Variants in UBE4B observed in about 807,000 individuals in gnomAD.
UBE4B encodes ubiquitin conjugation factor E4 B.
In UBE4B, 27 loss-of-function variants were observed where a neutral mutation model predicts 148.1. That is an observed-to-expected ratio of 0.18 (90% CI 0.13 to 0.25). The LOEUF is 0.25. UBE4B is among the 10% of genes least tolerant of loss of function. UBE4B has a pLI of 1.00. For missense variants in UBE4B, 1,170 were observed against 1,662.4 expected, an observed-to-expected ratio of 0.70 and a Z score of 5.15; for synonymous variants, 596 against 619.3, an observed-to-expected ratio of 0.96 and a Z score of 0.56.
At chr1:10,056,762 C>T (rs938034183) in intron 1 of UBE4B, among the ~76,000 whole-genome samples, 1 of 152,146 alleles carries the variant, frequency 6.6e-6, no homozygotes, top group African/African-American at 2.4e-5. Context: ...AAGATGGGGC[C>T]TGGGGTAGCA....
chr1:10,132,063 C>A (rs1430987459), intron 14 of UBE4B, among the ~76,000 whole-genome samples: 1 of 151,828 alleles, frequency 6.6e-6, no homozygotes, highest in African/African-American at 2.4e-5. Context: ...CTGGGAGGCG[C>A]AGGTTGCAGT....
chr1:10,149,327 C>A, intron 20 of UBE4B, 45 bp downstream of exon 20: 1 of 1,430,782 alleles, frequency 7.0e-7, no homozygotes, highest in Non-Finnish European at 9.6e-7. Flanking sequence ...TGTTTTTATG[C>A]ATAATAGTAT....
intron 17 of UBE4B, among the ~76,000 whole-genome samples, chr1:10,137,602 AT>A (rs1202920061): frequency 7.2e-5 from 11 of 152,114 alleles, no homozygotes. Context: ...AACCAGGATC[AT>A]TTACTCCTGC....
intron 2 of UBE4B, among the ~76,000 whole-genome samples, chr1:10,075,932 T>C (rs1307715170): frequency 6.6e-6 from 1 of 152,072 alleles, no homozygotes; most frequent in Non-Finnish European, 1.5e-5. Context: ...TAGTCCCAGT[T>C]ACTCGGGAGG....
At chr1:10,037,391 A>G (rs1438509481) in intron 1 of UBE4B, among the ~76,000 whole-genome samples, 3 of 152,184 alleles carry the variant, frequency 2.0e-5, no homozygotes, top group Non-Finnish European at 2.9e-5. Context: ...AGTGTATTAC[A>G]GTGAGTTCAT....
At chr1:10,096,735 G>A (rs1644934093) in intron 3 of UBE4B, among the ~76,000 whole-genome samples, 1 of 151,208 alleles carries the variant, frequency 6.6e-6, no homozygotes, top group Non-Finnish European at 1.5e-5. Context: ...AAAAGAAAAA[G>A]GAGAATTAAA....
chr1:10,120,666 A>G (rs1209810533), intron 9 of UBE4B, among the ~76,000 whole-genome samples: 3 of 151,120 alleles, frequency 2.0e-5, no homozygotes, highest in African/African-American at 7.3e-5. Context: ...GTGAAACCCT[A>G]TCTCTACTAA....
intron 1 of UBE4B, among the ~76,000 whole-genome samples, chr1:10,035,022 G>A (rs1393053868): frequency 6.6e-6 from 1 of 151,692 alleles, no homozygotes. Context: ...TTTTTGAGAC[G>A]GAGTCTTGCT....
At chr1:10,169,518 G>C (rs897705397) in intron 24 of UBE4B, among the ~76,000 whole-genome samples, 1 of 152,160 alleles carries the variant, frequency 6.6e-6, no homozygotes, top group African/African-American at 2.4e-5. Context: ...TCAGACACTG[G>C]CCTCCCTTAA....
At chr1:10,125,734 T>C (rs1645482098) in intron 10 of UBE4B, among the ~76,000 whole-genome samples, 1 of 152,224 alleles carries the variant, frequency 6.6e-6, no homozygotes, top group Non-Finnish European at 1.5e-5. Context: ...AATTTGAAGA[T>C]GAGCTAGGCT....
chr1:10,134,965 CT>C, intron 15 of UBE4B, 22 bp from the exon 16 acceptor site: 1 of 1,607,854 alleles, frequency 6.2e-7, no homozygotes, highest in African/African-American at 1.3e-5. Flanking sequence ...TTTAAAAATA[CT>C]TTTTCTTTTC....
At chr1:10,127,508 A>G (rs527982931) in intron 11 of UBE4B, among the ~76,000 whole-genome samples, 1 of 152,348 alleles carries the variant, frequency 6.6e-6, no homozygotes, top group African/African-American at 2.4e-5. Flanking sequence ...TCTGTTCTGA[A>G]TTCGCTTATT....
At chr1:10,042,785 T>C (rs1413141524) in intron 1 of UBE4B, among the ~76,000 whole-genome samples, 1 of 152,118 alleles carries the variant, frequency 6.6e-6, no homozygotes, top group Admixed American at 6.5e-5. Context: ...CAATCAGATA[T>C]GTGTAACGTG....
chr1:10,131,565 A>C (rs1036867333), intron 14 of UBE4B, among the ~76,000 whole-genome samples: 3 of 151,328 alleles, frequency 2.0e-5, no homozygotes, highest in African/African-American at 7.3e-5. Flanking sequence ...AACAAAGCCT[A>C]TTTTATTAAA....
Position 10,179,376 on chromosome 1 carries a change from C to T in UBE4B, c.3701-40C>T, listed in dbSNP as rs75684621. On this transcript the variant is annotated intron_variant, in intron 26 of 27. Coordinates refer to ENST00000343090, the MANE Select transcript of UBE4B (RefSeq NM_001105562.3). ...CTTTGTTTTCTTTTTCAGTCGTGGG[C>T]TCTCAGTAGATTAGAGTTTGCTTTG... The T allele has an allele frequency of 2.3e-3, 3,672 of 1,601,934 alleles. 16 individuals are homozygous for T. Among genetic ancestry groups the T allele is most frequent in the Non-Finnish European group, 1.8e-3 (2,148 of 1,171,746 alleles).
chr1:10,151,707 G>A, intron 21 of UBE4B, 146 bp downstream of exon 21: 1 of 695,242 alleles, frequency 1.4e-6, no homozygotes, highest in Non-Finnish European at 2.4e-6. Flanking sequence ...TGCAGAGGAT[G>A]TACTTTTGGT....
At chr1:10,137,259 G>A in intron 17 of UBE4B, 54 bp downstream of exon 17, 1 of 1,608,106 alleles carries the variant, frequency 6.2e-7, no homozygotes, top group Non-Finnish European at 8.5e-7. Flanking sequence ...CTTTTTCTCA[G>A]GGGCAGGCAA....
At chr1:10,086,038 C>G (rs963544238) in intron 2 of UBE4B, among the ~76,000 whole-genome samples, 1 of 151,958 alleles carries the variant, frequency 6.6e-6, no homozygotes, top group Non-Finnish European at 1.5e-5. Context: ...GTGGCACAAT[C>G]TCCGCTTACT....
chr1:10,096,767 G>A (rs975149245), intron 3 of UBE4B, among the ~76,000 whole-genome samples: 35 of 151,692 alleles, frequency 2.3e-4, no homozygotes, highest in African/African-American at 8.2e-4. Context: ...GGGGCTGGGC[G>A]TGGTGGCTCA....
Sources: gnomAD v4.1 joint callset for allele counts (sites outside exome capture counted in the v4.1 genomes callset) on GRCh38, gnomAD v4.1.1 for gene constraint, MANE v1.5 for transcripts, NCBI Gene and HGNC (gene_info 2026-07-23, HGNC 2026-07-21) for gene names.